The following DLGAP2 variants were observed in gnomAD, a reference collection of about 807,000 sequenced individuals.
DLGAP2 encodes DLG associated protein 2.
DLGAP2 carries 26 observed loss-of-function variants against 100.3 expected under a neutral mutation model. That is an observed-to-expected ratio of 0.26 (90% CI 0.19 to 0.36). The LOEUF is 0.36. Ranked by LOEUF, DLGAP2 falls within the 10% of genes least tolerant of loss-of-function variation. DLGAP2 has a pLI of 1.00. For missense variants in DLGAP2, 1,858 were observed against 1,453.2 expected (o/e 1.28, Z -4.53); for synonymous variants, 886 against 630.1 (o/e 1.41, Z -6.08).
At chr8:1,101,217 C>T (rs1300055328) in intron 2 of DLGAP2, among the ~76,000 whole-genome samples, 3 of 152,212 alleles carry the variant, frequency 2.0e-5, no homozygotes, top group South Asian at 2.1e-4. Context: ...GAAGAACTGC[C>T]GAATGGAACT....
intron 3 of DLGAP2, among the ~76,000 whole-genome samples, chr8:1,367,564 C>G (rs1220873712): frequency 6.6e-6 from 1 of 152,360 alleles, no homozygotes; most frequent in South Asian, 2.1e-4. Flanking sequence ...TGTCACCTCC[C>G]CTCTAGAGCT....
At chr8:941,514 G>A (rs927166348) in intron 2 of DLGAP2, among the ~76,000 whole-genome samples, 9 of 152,168 alleles carry the variant, frequency 5.9e-5, no homozygotes, top group Non-Finnish European at 7.3e-5. Flanking sequence ...TTTAAAAACC[G>A]TGGAAGAGTG....
chr8:892,701 C>T (rs1021023234), intron 1 of DLGAP2, among the ~76,000 whole-genome samples: 4 of 152,074 alleles, frequency 2.6e-5, no homozygotes, highest in East Asian at 1.9e-4. Context: ...AACAGAGAGG[C>T]GGGGGAGACC....
intron 1 of DLGAP2, among the ~76,000 whole-genome samples, chr8:774,750 A>G (rs12171635): frequency 5.4e-5 from 8 of 149,058 alleles, no homozygotes; most frequent in Non-Finnish European, 1.2e-4. Flanking sequence ...TGGTTACTGT[A>G]GCCTTGTAGT....
chr8:916,409 C>T (rs1032522124), intron 2 of DLGAP2, among the ~76,000 whole-genome samples: 1 of 152,198 alleles, frequency 6.6e-6, no homozygotes, highest in Non-Finnish European at 1.5e-5. Context: ...CCATCATTCT[C>T]AGCAACTATT....
intron 8 of DLGAP2, among the ~76,000 whole-genome samples, chr8:1,641,502 A>G (rs1167564719): frequency 6.6e-6 from 1 of 152,192 alleles, no homozygotes; most frequent in Non-Finnish European, 1.5e-5. Context: ...GTCTAGACGA[A>G]TTAATCATAA....
intron 6 of DLGAP2, among the ~76,000 whole-genome samples, chr8:1,616,471 A>C (rs1306712362): frequency 2.0e-5 from 3 of 152,344 alleles, no homozygotes; most frequent in Admixed American, 6.5e-5. Flanking sequence ...AAAACCAGAG[A>C]GAGACAAGTC....
At chr8:745,702 T>C (rs935689040) in intron 1 of DLGAP2, among the ~76,000 whole-genome samples, 1 of 152,236 alleles carries the variant, frequency 6.6e-6, no homozygotes, top group African/African-American at 2.4e-5. Flanking sequence ...GGTAAATTCA[T>C]GGTGGTACAG....
At chr8:880,506 C>T (rs1797767915) in intron 1 of DLGAP2, among the ~76,000 whole-genome samples, 3 of 149,546 alleles carry the variant, frequency 2.0e-5, no homozygotes, top group South Asian at 2.1e-4. Context: ...GTAGGTGGGT[C>T]GGGGTGACCG....
intron 2 of DLGAP2, among the ~76,000 whole-genome samples, chr8:1,144,545 C>T (rs988850974): frequency 3.3e-5 from 5 of 152,222 alleles, no homozygotes; most frequent in African/African-American, 1.2e-4. Flanking sequence ...TCCATCCTTT[C>T]GACCACCTCC....
intron 4 of DLGAP2, among the ~76,000 whole-genome samples, chr8:1,505,689 G>T (rs535163816): frequency 3.9e-5 from 6 of 152,294 alleles, no homozygotes; most frequent in African/African-American, 1.4e-4. Flanking sequence ...CCTTGAAAGA[G>T]AAAAACCTCA....
At chr8:1,102,831 C>T (rs1050935517) in intron 2 of DLGAP2, among the ~76,000 whole-genome samples, 7 of 151,206 alleles carry the variant, frequency 4.6e-5, no homozygotes, top group African/African-American at 1.5e-4. Flanking sequence ...AGAAAATGTG[C>T]GTGGGGCCTT....
intron 3 of DLGAP2, among the ~76,000 whole-genome samples, chr8:1,288,934 AC>A (rs370356020): frequency 3.9e-5 from 6 of 152,326 alleles, no homozygotes; most frequent in African/African-American, 1.2e-4. Context: ...AAGATTTTTA[AC>A]ATGAAGTTCA....
In DLGAP2 at chr8:945,172, C is replaced by T. The variant is rs181990758; in HGVS notation, c.73+37206C>T. Among the ~76,000 whole-genome samples the T allele has an allele frequency of 4.1e-4, 62 of 152,234 alleles. 1 individual carries two copies. In the East Asian group the frequency reaches 0.011, roughly 27 times the overall value. The stretch of plus-strand genomic sequence containing the variant: ...ACCATGACTTTTGTTTTTATTTTTC[C>T]ATTATCTGACTGGTTTATAAAAAGT... On this transcript the variant is annotated intron_variant, in intron 2 of 14. Transcript: ENST00000637795.
intron 12 of DLGAP2, among the ~76,000 whole-genome samples, chr8:1,686,834 T>A (rs1187174390): frequency 6.6e-6 from 1 of 152,186 alleles, no homozygotes; most frequent in African/African-American, 2.4e-5. Context: ...AAAACATGGT[T>A]AATAATGTAT....
intron 1 of DLGAP2, among the ~76,000 whole-genome samples, chr8:849,566 C>T (rs1264753099): frequency 2.0e-5 from 3 of 152,198 alleles, no homozygotes; most frequent in Admixed American, 1.3e-4. Context: ...GGGTTTCTAC[C>T]AGCCTTGCCC....
intron 2 of DLGAP2, among the ~76,000 whole-genome samples, chr8:1,201,137 G>T (rs927279605): frequency 1.3e-5 from 2 of 152,210 alleles, no homozygotes; most frequent in South Asian, 4.1e-4. Flanking sequence ...GGAGGAAGAG[G>T]AGGATGCCAC....
intron 4 of DLGAP2, among the ~76,000 whole-genome samples, chr8:1,529,448 C>T (rs187645547): frequency 6.6e-6 from 1 of 152,138 alleles, no homozygotes; most frequent in Non-Finnish European, 1.5e-5. Context: ...TGGTGGCCAA[C>T]AAGATGGACC....
At chr8:1,102,230 C>G (rs535161612) in intron 2 of DLGAP2, among the ~76,000 whole-genome samples, 1 of 146,952 alleles carries the variant, frequency 6.8e-6, no homozygotes, top group Admixed American at 6.8e-5. Flanking sequence ...AATATAGATT[C>G]AAGCTTTTAC....
Sources: gnomAD v4.1 joint callset for allele counts (sites outside exome capture counted in the v4.1 genomes callset) on GRCh38, gnomAD v4.1.1 for gene constraint, MANE v1.5 for transcripts, NCBI Gene and HGNC (gene_info 2026-07-23, HGNC 2026-07-21) for gene names.